The following NRG3 variants were observed in gnomAD, a reference collection of about 807,000 sequenced individuals.
The protein encoded by NRG3 is neuregulin 3.
NRG3 carries 31 observed loss-of-function variants against 66.9 expected under a neutral mutation model. The observed-to-expected ratio is 0.46, with a 90% CI of 0.35 to 0.63. The LOEUF (loss-of-function observed/expected upper bound fraction) is 0.63. Among genes scored for constraint, NRG3 ranks in the 20% least tolerant of loss-of-function variants. The pLI is 0.00. For missense variants in NRG3, 910 were observed against 878.9 expected (o/e 1.04, Z -0.45); for synonymous variants, 393 against 359.4 (o/e 1.09, Z -1.06).
At chr10:82,395,752 T>C (rs2086677024) in intron 2 of NRG3, among the ~76,000 whole-genome samples, 2 of 152,100 alleles carry the variant, frequency 1.3e-5, no homozygotes, top group Non-Finnish European at 2.9e-5. Flanking sequence ...CCAGGCACTG[T>C]TGCTTTCCAC....
intron 2 of NRG3, among the ~76,000 whole-genome samples, chr10:82,674,271 T>C (rs2053507964): frequency 6.6e-6 from 1 of 152,198 alleles, no homozygotes. Context: ...TTCTTGCCTA[T>C]TAATCTCTTC....
At chr10:82,165,379 G>A (rs1187576681) in intron 1 of NRG3, among the ~76,000 whole-genome samples, 1 of 151,944 alleles carries the variant, frequency 6.6e-6, no homozygotes, top group Non-Finnish European at 1.5e-5. Context: ...TTACATAAAG[G>A]TGACATTTTC....
At chr10:82,510,662 A>C (rs971246543) in intron 2 of NRG3, among the ~76,000 whole-genome samples, 11 of 152,216 alleles carry the variant, frequency 7.2e-5, no homozygotes, top group African/African-American at 2.7e-4. Flanking sequence ...GTCATGAAAG[A>C]GAGATATAAG....
rs535547754 is a variant in NRG3 at position 81,971,012 on chromosome 10, C to A, written c.823+94849C>A. On this transcript the variant is annotated intron_variant, in intron 1 of 8. Coordinates refer to ENST00000372141, the MANE Select transcript of NRG3 (RefSeq NM_001010848.4). ...AAAATTAGTTGGGCATGGTGGTGGG[C>A]CCCTGTAATTCCAGCCACTTGGTAG... 5.3e-5 allele frequency among the ~76,000 whole-genome samples: 8 copies of A among 152,122 alleles called. No homozygotes were observed. In the South Asian group the frequency reaches 1.7e-3, roughly 32 times the overall value.
chr10:82,001,955 CTTTG>C (rs1217178284), intron 1 of NRG3, among the ~76,000 whole-genome samples: 3 of 152,142 alleles, frequency 2.0e-5, no homozygotes, highest in African/African-American at 7.2e-5. Flanking sequence ...AATCATCCTC[CTTTG>C]TTTGGAGCCC....
intron 2 of NRG3, among the ~76,000 whole-genome samples, chr10:82,655,364 TC>T (rs1452716100): frequency 1.3e-5 from 2 of 151,916 alleles, no homozygotes; most frequent in Non-Finnish European, 2.9e-5. Flanking sequence ...AAACTGAAAA[TC>T]AAAGGATCAA....
In NRG3 at chr10:82,828,921, C is replaced by T. The variant is rs187632692; in HGVS notation, c.1028-36490C>T. ...GGCATTAACACTCTGTAAAACATGG[C>T]AAGGAATATATTCTATAACAGTTCC... On this transcript the variant is annotated intron_variant, in intron 3 of 8. Coordinates refer to ENST00000372141, the MANE Select transcript of NRG3 (RefSeq NM_001010848.4). 1.3e-3 allele frequency among the ~76,000 whole-genome samples: 194 copies of T among 152,276 alleles called. 2 individuals are homozygous for T. The highest frequency in any genetic ancestry group is 2.3e-3 in the Non-Finnish European group (155 of 68,024).
chr10:82,979,852 T>C (rs913208871), intron 8 of NRG3, among the ~76,000 whole-genome samples: 1 of 152,162 alleles, frequency 6.6e-6, no homozygotes, highest in African/African-American at 2.4e-5. Flanking sequence ...TGCTCCTTAC[T>C]ACTAGTGTGA....
intron 2 of NRG3, among the ~76,000 whole-genome samples, chr10:82,621,630 T>C (rs1274124958): frequency 6.6e-6 from 1 of 152,184 alleles, no homozygotes; most frequent in East Asian, 1.9e-4. Context: ...CTTGAAATAG[T>C]TTAGACTGGG....
intron 2 of NRG3, among the ~76,000 whole-genome samples, chr10:82,702,202 A>G (rs147968861): frequency 6.6e-6 from 1 of 152,318 alleles, no homozygotes; most frequent in East Asian, 1.9e-4. Context: ...TGTGGATTCC[A>G]ATAGTTTCTC....
intron 1 of NRG3, chr10:82,224,367 A>G (rs1017946307): frequency 2.0e-5 from 3 of 152,224 alleles, no homozygotes; most frequent in African/African-American, 7.2e-5. Flanking sequence ...CATCTAGAAC[A>G]TAAAAAGTAA....
intron 1 of NRG3, among the ~76,000 whole-genome samples, chr10:81,942,378 G>A (rs1253153308): frequency 1.3e-5 from 2 of 152,066 alleles, no homozygotes; most frequent in Non-Finnish European, 2.9e-5. Context: ...AGTTTTTGAT[G>A]TAAGTAGGAC....
At chr10:82,744,876 G>A (rs1239781741) in intron 3 of NRG3, among the ~76,000 whole-genome samples, 1 of 152,080 alleles carries the variant, frequency 6.6e-6, no homozygotes, top group African/African-American at 2.4e-5. Flanking sequence ...CATTGTGAGA[G>A]CTCAATAAAT....
At chr10:82,610,975 C>T (rs1439662816) in intron 2 of NRG3, among the ~76,000 whole-genome samples, 1 of 151,730 alleles carries the variant, frequency 6.6e-6, no homozygotes, top group Non-Finnish European at 1.5e-5. Flanking sequence ...AACATAGATC[C>T]TTGGATAAGG....
At chr10:82,806,073 A>G (rs1396327533) in intron 3 of NRG3, among the ~76,000 whole-genome samples, 2 of 152,200 alleles carry the variant, frequency 1.3e-5, no homozygotes, top group Non-Finnish European at 2.9e-5. Context: ...CATTTAAGAA[A>G]TAGAATTCAT....
At chr10:82,785,864 C>A (rs1213580473) in intron 3 of NRG3, among the ~76,000 whole-genome samples, 1 of 152,074 alleles carries the variant, frequency 6.6e-6, no homozygotes, top group East Asian at 1.9e-4. Flanking sequence ...AAGGTGTTTG[C>A]TAAAGAGATT....
At chr10:82,723,157 C>T (rs562313799) in intron 2 of NRG3, among the ~76,000 whole-genome samples, 48 of 152,264 alleles carry the variant, frequency 3.2e-4, no homozygotes, top group Middle Eastern at 3.4e-3. Context: ...AATAAAATTA[C>T]ATCTTTCACA....
At chr10:82,795,422 T>C (rs1241548063) in intron 3 of NRG3, among the ~76,000 whole-genome samples, 1 of 152,220 alleles carries the variant, frequency 6.6e-6, no homozygotes, top group Non-Finnish European at 1.5e-5. Flanking sequence ...TATTCCTTAC[T>C]ATTATATTCT....
intron 2 of NRG3, among the ~76,000 whole-genome samples, chr10:82,676,344 C>T (rs1403376982): frequency 6.6e-6 from 1 of 152,118 alleles, no homozygotes; most frequent in Non-Finnish European, 1.5e-5. Flanking sequence ...ACCTGTTTTC[C>T]TGCTAAGGGT....
Sources: allele counts gnomAD v4.1 joint callset (sites outside exome capture counted in the v4.1 genomes callset), GRCh38; gene constraint gnomAD v4.1.1; transcripts MANE v1.5; gene names NCBI Gene and HGNC (gene_info 2026-07-23, HGNC 2026-07-21).